GDA: variants seen among roughly 807,000 people sequenced by gnomAD.
The protein encoded by GDA is guanine deaminase, also known as cytoplasmic PSD-95 interactor.
A neutral mutation model predicts 59.6 loss-of-function variants in GDA; 18 were observed. The ratio of observed to expected loss-of-function variants is 0.30; its 90% confidence interval spans 0.21 to 0.45. GDA has a LOEUF of 0.45. Among genes scored for constraint, GDA ranks in the 20% least tolerant of loss-of-function variants. GDA has a pLI of 1.00. For synonymous variants in GDA, 201 were observed against 201.1 expected (o/e 1.00, Z 0.00); for missense variants, 427 against 552.3 (o/e 0.77, Z 2.27).
upstream of GDA, among the ~76,000 whole-genome samples, chr9:72,148,943 G>A (rs544593609): frequency 6.8e-4 from 104 of 152,340 alleles, no homozygotes; most frequent in African/African-American, 2.4e-3. Flanking sequence ...TCAAGGTGAA[G>A]AGAGGAACCT....
At chr9:72,255,984 A>AT (rs11383807), downstream of GDA, among the ~76,000 whole-genome samples, 117,919 of 152,086 alleles carry the variant, frequency 0.78, 45,732 homozygotes, top group Admixed American at 0.85. Flanking sequence ...TGCATATAAA[A>AT]ACTCATTTAA....
At position 72,250,823 on chromosome 9, in the gene GDA, A is replaced by G. The variant is rs745679595; in HGVS notation, c.*2481A>G. ...TCCTTAATGTTCCATGGTATTTTCA[A>G]CGGAATACACTTTGAAAGGTAAAAA... On this transcript the variant is annotated 3_prime_UTR_variant, in exon 14 of 14. Coordinates refer to ENST00000358399, the MANE Select transcript of GDA (RefSeq NM_004293.5). The G allele has an allele frequency of 1.2e-6, 2 of 1,609,986 alleles. No individual in the cohort carries two copies.
At chr9:72,241,125 G>C (rs1426616801) in intron 10 of GDA, 27 bp from the exon 11 acceptor site, 1 of 1,551,402 alleles carries the variant, frequency 6.4e-7, no homozygotes. Flanking sequence ...CAAGGTTACT[G>C]TTTTGGTTTT....
chr9:72,227,182 G>T (rs1259965872), intron 8 of GDA, among the ~76,000 whole-genome samples: 3 of 152,100 alleles, frequency 2.0e-5, no homozygotes, highest in Non-Finnish European at 4.4e-5. Context: ...GTTGGGTACA[G>T]GTTTTGTACT....
At position 72,210,741 on chromosome 9, in the gene GDA, ACTGACTCATCT is replaced by A; in HGVS notation, c.443_453del (p.Asp148AlafsTer8). On this transcript the variant is annotated frameshift_variant, in exon 4 of 14. Transcript: ENST00000358399. LOFTEE classifies it high-confidence loss of function. ...AGCTTGTTACTTTGCAACAATTCAC[ACTGACTCATCT>A]CTGCTCCTTGCCGACATTACAGGTG... 1 of 1,611,384 alleles carries A rather than the reference ACTGACTCATCT, an allele frequency of 6.2e-7. No homozygotes were observed. Among genetic ancestry groups the A allele is most frequent in the Non-Finnish European group, 8.5e-7 (1 of 1,177,548 alleles).
intron 9 of GDA, 57 bp from the exon 10 acceptor site, chr9:72,231,057 T>C: frequency 1.0e-6 from 1 of 957,306 alleles, no homozygotes; most frequent in South Asian, 1.3e-5. Context: ...TTATTAGTGT[T>C]CATCTTTTAT....
At position 72,223,081 on chromosome 9, in the gene GDA, T is replaced by C. The variant is rs377411916; in HGVS notation, c.607-39T>C. Reference sequence around the variant, plus strand: ...ATCTTGAGTTAATTTTTGTATATGATGTAAGGAAGAGGTATCAATTGTTTT... The same window carrying C: ...ATCTTGAGTTAATTTTTGTATATGACGTAAGGAAGAGGTATCAATTGTTTT... On this transcript the variant is annotated intron_variant, in intron 6 of 13. Coordinates refer to ENST00000358399, the MANE Select transcript of GDA (RefSeq NM_004293.5). The C allele has an allele frequency of 4.3e-5, 43 of 990,562 alleles. No individual in the cohort carries two copies. The Admixed American group carries it at 5.1e-4, about 12-fold the overall frequency. The allele number at this position is 990,562 out of a possible 1,614,324, so 61.4% of individuals were successfully genotyped here.
intron 1 of GDA, among the ~76,000 whole-genome samples, chr9:72,138,591 G>C (rs1164591015): frequency 1.3e-5 from 2 of 152,198 alleles, no homozygotes; most frequent in African/African-American, 2.4e-5. Context: ...AGCAGTAAAG[G>C]AGACAGATCT....
At position 72,126,566 on chromosome 9, in the gene GDA, C is replaced by CT. The variant is rs72370881; in HGVS notation, c.-100+11751dup. ...AAGGGAGACTGAGAACCTGGTTAGTCTTTTTTTTTTTTTTTTTTGAGACAG... is the reference window on the plus strand; with the variant it reads ...AAGGGAGACTGAGAACCTGGTTAGTCTTTTTTTTTTTTTTTTTTTGAGACAG... On this transcript the variant is annotated intron_variant, in intron 1 of 13. Transcript: ENST00000545168. Among the ~76,000 whole-genome samples, 515 of 133,656 alleles carry CT rather than the reference C, an allele frequency of 3.9e-3. 4 individuals carry two copies. The highest frequency in any genetic ancestry group is 0.011 in the South Asian group (44 of 4,086). 87.7% of individuals were successfully genotyped at this position (133,656 alleles called of 152,430 possible).
chr9:72,172,672 T>C (rs1372603364), intron 1 of GDA, among the ~76,000 whole-genome samples: 1 of 152,210 alleles, frequency 6.6e-6, no homozygotes, highest in African/African-American at 2.4e-5. Context: ...AAGTGTGTTT[T>C]AGGATTGCTG....
chr9:72,125,506 G>A (rs1327922813), intron 1 of GDA, among the ~76,000 whole-genome samples: 1 of 152,106 alleles, frequency 6.6e-6, no homozygotes, highest in Non-Finnish European at 1.5e-5. Context: ...ACAGGCATGA[G>A]CCACTGTGCT....
At chr9:72,202,804 T>C (rs938783137) in intron 3 of GDA, 62 bp downstream of exon 3, 2 of 1,246,808 alleles carry the variant, frequency 1.6e-6, no homozygotes, top group African/African-American at 1.5e-5. Context: ...ATCAGTTTCC[T>C]AGGACAGATT....
chr9:72,150,864 G>A (rs10869130), intron 1 of GDA, among the ~76,000 whole-genome samples: 24,691 of 152,038 alleles, frequency 0.16, 2,569 homozygotes, highest in East Asian at 0.5. Context: ...GGGAGATTCC[G>A]GTAAACCCTG....
intron 10 of GDA, among the ~76,000 whole-genome samples, chr9:72,233,954 T>C (rs930350091): frequency 6.6e-6 from 1 of 152,064 alleles, no homozygotes; most frequent in African/African-American, 2.4e-5. Flanking sequence ...AATTAATAAA[T>C]AAATGAAAGA....
At chr9:72,195,621 C>A in intron 2 of GDA, 33 bp downstream of exon 2, 1 of 925,924 alleles carries the variant, frequency 1.1e-6, no homozygotes, top group Non-Finnish European at 1.7e-6. Context: ...TTACTGGGTG[C>A]CACTAATAAG....
intron 6 of GDA, 32 bp downstream of exon 6, chr9:72,219,538 ATTGCCT>A: frequency 6.5e-7 from 1 of 1,546,744 alleles, no homozygotes; most frequent in African/African-American, 1.4e-5. Context: ...TCGCTTTTAG[ATTGCCT>A]TTGCATTAGC....
intron 1 of GDA, among the ~76,000 whole-genome samples, chr9:72,176,397 C>T (rs932649982): frequency 6.6e-6 from 1 of 152,172 alleles, no homozygotes; most frequent in African/African-American, 2.4e-5. Context: ...ATGTTTGGCC[C>T]ACCTCAAGGG....
At chr9:72,199,330 T>G (rs1833634524) in intron 2 of GDA, among the ~76,000 whole-genome samples, 1 of 152,180 alleles carries the variant, frequency 6.6e-6, no homozygotes, top group Admixed American at 6.5e-5. Context: ...TTATTAATAA[T>G]CATTTCACGA....
At chr9:72,189,397 C>G (rs1320352813) in intron 1 of GDA, among the ~76,000 whole-genome samples, 1 of 151,628 alleles carries the variant, frequency 6.6e-6, no homozygotes, top group African/African-American at 2.4e-5. Flanking sequence ...CTACTGGTCT[C>G]AAACTCCTGG....
Sources: allele counts gnomAD v4.1 joint callset (sites outside exome capture counted in the v4.1 genomes callset), GRCh38; gene constraint gnomAD v4.1.1; transcripts MANE v1.5; gene names NCBI Gene and HGNC (gene_info 2026-07-23, HGNC 2026-07-21).